RHEX: variants seen among roughly 807,000 people sequenced by gnomAD.
RHEX encodes regulator of hemoglobinization and erythroid cell expansion, also known as regulator of hemoglobinization and erythroid cell expansion protein.
A neutral mutation model predicts 20.1 loss-of-function variants in RHEX; 18 were observed. The observed-to-expected ratio is 0.90, with a 90% confidence interval of 0.62 to 1.33. The LOEUF is 1.33. RHEX is among the 40% of genes most tolerant of loss of function. The pLI is 0.00. For missense variants in RHEX, 192 were observed against 214.3 expected (o/e 0.90, Z 0.65); for synonymous variants, 87 against 77.1 (o/e 1.13, Z -0.67).
At chr1:206,076,629 T>C (rs1231779012) in intron 1 of RHEX, among the ~76,000 whole-genome samples, 1 of 152,236 alleles carries the variant, frequency 6.6e-6, no homozygotes, top group East Asian at 1.9e-4. Flanking sequence ...TTATGCCATG[T>C]ACTTCCCCCA....
chr1:206,099,568 C>G, intron 3 of RHEX, 87 bp from the exon 4 acceptor site: 1 of 1,319,928 alleles, frequency 7.6e-7, no homozygotes, highest in East Asian at 2.4e-5. Context: ...ATCCATTTAC[C>G]TCAGCCTCCC....
At chr1:206,060,329 C>T (rs1485336174) in intron 1 of RHEX, 2 of 152,178 alleles carry the variant, frequency 1.3e-5, no homozygotes, top group African/African-American at 2.4e-5. Context: ...CTGTAGAGCT[C>T]ATTTGCATAG....
At chr1:206,078,252 G>T (rs546533019) in intron 1 of RHEX, among the ~76,000 whole-genome samples, 1 of 152,002 alleles carries the variant, frequency 6.6e-6, no homozygotes, top group Non-Finnish European at 1.5e-5. Flanking sequence ...TTAAAGTTAC[G>T]TAACAGGCTG....
chr1:206,063,892 A>T (rs548487781), intron 1 of RHEX, among the ~76,000 whole-genome samples: 1,513 of 135,606 alleles, frequency 0.011, 29 homozygotes, highest in African/African-American at 0.04. Flanking sequence ...CTGGCTGCCC[A>T]GTCTGGAAAG....
intron 1 of RHEX, among the ~76,000 whole-genome samples, chr1:206,054,387 T>C (rs1662144153): frequency 6.6e-6 from 1 of 152,208 alleles, no homozygotes; most frequent in South Asian, 2.1e-4. Flanking sequence ...ATGTGCAAGG[T>C]GTATAAGAAA....
intron 3 of RHEX, 118 bp downstream of exon 3, chr1:206,098,299 C>A (rs782156647): frequency 2.8e-6 from 2 of 706,522 alleles, no homozygotes; most frequent in Non-Finnish European, 2.5e-6. Flanking sequence ...ACCAGAGGAC[C>A]CACCGGCCAA....
chr1:206,053,723 C>A (rs986763418), intron 1 of RHEX, among the ~76,000 whole-genome samples: 4 of 152,240 alleles, frequency 2.6e-5, no homozygotes, highest in Admixed American at 1.3e-4. Context: ...GAAGCCTGGA[C>A]AGGTCCCTTG....
chr1:206,064,563 C>T (rs1338019817), intron 1 of RHEX, among the ~76,000 whole-genome samples: 2 of 80,492 alleles, frequency 2.5e-5, no homozygotes, highest in African/African-American at 5.3e-5. Context: ...CTGCCCCGTC[C>T]GGGAGGTGAG....
intron 1 of RHEX, among the ~76,000 whole-genome samples, chr1:206,060,196 G>A (rs1662282799): frequency 6.6e-6 from 1 of 152,078 alleles, no homozygotes; most frequent in Non-Finnish European, 1.5e-5. Flanking sequence ...TTTCTTTACT[G>A]TATAATAGGA....
chr1:206,082,981 C>T (rs1571865734), intron 1 of RHEX, among the ~76,000 whole-genome samples: 1 of 152,308 alleles, frequency 6.6e-6, no homozygotes, highest in East Asian at 1.9e-4. Flanking sequence ...GCTGTTATCC[C>T]ACAAACTGTA....
intron 1 of RHEX, among the ~76,000 whole-genome samples, chr1:206,085,228 G>A (rs185692285): frequency 6.6e-6 from 1 of 152,308 alleles, no homozygotes; most frequent in Non-Finnish European, 1.5e-5. Flanking sequence ...AATGTGTACA[G>A]AGTGTTACAC....
At chr1:206,087,557 A>T (rs781974140) in intron 1 of RHEX, among the ~76,000 whole-genome samples, 4 of 152,252 alleles carry the variant, frequency 2.6e-5, no homozygotes, top group Non-Finnish European at 4.4e-5. Flanking sequence ...TCTTGAAAGT[A>T]CAAATGGCAT....
chr1:206,057,652 A>T (rs994070635), intron 1 of RHEX, among the ~76,000 whole-genome samples: 1 of 152,266 alleles, frequency 6.6e-6, no homozygotes, highest in African/African-American at 2.4e-5. Flanking sequence ...TAGCTGTGTA[A>T]TTGGCACCAT....
Position 206,099,655 on chromosome 1 carries a change from C to T in RHEX, c.113C>T (p.Ala38Val). The change falls in exon 4 of 6, where the codon GCC becomes GTC. Residue 38 changes from alanine to valine, a missense_variant and splice_region_variant. Physicochemically the swap from Ala to Val is moderately conservative, Grantham distance 64. Transcript: ENST00000331555. ...AINYLLSRHM[A>V]HKSEQILKAA... ...TTGATCCCTGCCCTCTCCCTTCCAG[C>T]CCACAAGAGTGAACAGATACTGAAA... 6.2e-7 allele frequency: 1 copy of T among 1,613,720 alleles called. No individual in the cohort carries two copies. Among genetic ancestry groups the T allele is most frequent in the Non-Finnish European group, 8.5e-7 (1 of 1,179,862 alleles).
chr1:206,079,033 T>A (rs1296401279), intron 1 of RHEX, among the ~76,000 whole-genome samples: 1 of 152,218 alleles, frequency 6.6e-6, no homozygotes, highest in Non-Finnish European at 1.5e-5. Context: ...TAAACAATTC[T>A]GTGACATTGA....
At chr1:206,054,152 C>T (rs1238773320) in intron 1 of RHEX, among the ~76,000 whole-genome samples, 1 of 143,656 alleles carries the variant, frequency 7.0e-6, no homozygotes, top group Admixed American at 6.8e-5. Flanking sequence ...TGGGGGGAGA[C>T]AGAATTTATG....
chr1:206,099,605 T>A (rs1292913179), intron 3 of RHEX, 50 bp from the exon 4 acceptor site: 1 of 1,506,658 alleles, frequency 6.6e-7, no homozygotes, highest in East Asian at 2.2e-5. Context: ...AGGCATGAGC[T>A]ACTGCGCCTG....
At chr1:206,098,786 G>A (rs533415427) in intron 3 of RHEX, among the ~76,000 whole-genome samples, 2 of 152,250 alleles carry the variant, frequency 1.3e-5, no homozygotes, top group South Asian at 2.1e-4. Context: ...TATTTCTTGA[G>A]CATCTAAGAC....
At chr1:206,095,836 A>T (rs1407140251) in intron 1 of RHEX, among the ~76,000 whole-genome samples, 5 of 146,944 alleles carry the variant, frequency 3.4e-5, no homozygotes, top group Admixed American at 2.7e-4. Flanking sequence ...ATTTGGGGTA[A>T]TTTTTTTTTT....
Sources: gnomAD v4.1 joint callset for allele counts (sites outside exome capture counted in the v4.1 genomes callset) on GRCh38, gnomAD v4.1.1 for gene constraint, MANE v1.5 for transcripts, NCBI Gene and HGNC (gene_info 2026-07-23, HGNC 2026-07-21) for gene names.